The following MACROD2 variants were observed in gnomAD, a reference collection of about 807,000 sequenced individuals.
The protein encoded by MACROD2 is ADP-ribose glycohydrolase MACROD2.
MACROD2 carries 36 observed loss-of-function variants against 70.4 expected under a neutral mutation model. That is an observed-to-expected ratio of 0.51 (90% CI 0.39 to 0.68). The LOEUF is 0.68. MACROD2 is among the 30% of genes least tolerant of loss of function. The pLI, the probability that MACROD2 is intolerant of heterozygous loss-of-function variation, is 0.00. For missense variants in MACROD2, 496 were observed against 538.4 expected, an observed-to-expected ratio of 0.92 and a Z score of 0.78; for synonymous variants, 172 against 178.8, an observed-to-expected ratio of 0.96 and a Z score of 0.30.
At chr20:15,193,336 A>G (rs1458932258) in intron 5 of MACROD2, among the ~76,000 whole-genome samples, 1 of 152,126 alleles carries the variant, frequency 6.6e-6, no homozygotes, top group Non-Finnish European at 1.5e-5. Context: ...GTAGTATAGT[A>G]TCAAGACAGA....
intron 5 of MACROD2, among the ~76,000 whole-genome samples, chr20:15,159,768 G>GGGCACACACACACACA (rs2076335200): frequency 6.6e-6 from 1 of 151,264 alleles, no homozygotes; most frequent in Non-Finnish European, 1.5e-5. Context: ...ACACACACAC[G>GGGCACACACACACACA]CATGGGCACA....
intron 2 of MACROD2, among the ~76,000 whole-genome samples, chr20:14,004,747 T>A (rs1318702806): frequency 3.3e-5 from 5 of 152,166 alleles, no homozygotes; most frequent in Admixed American, 6.5e-5. Flanking sequence ...TCATTGCTTA[T>A]ACATGTATAA....
intron 3 of MACROD2, among the ~76,000 whole-genome samples, chr20:14,144,440 A>G (rs547481316): frequency 2.0e-5 from 3 of 152,148 alleles, no homozygotes; most frequent in South Asian, 2.1e-4. Context: ...CTGTTCATTT[A>G]TTGATCTCCT....
intron 15 of MACROD2, among the ~76,000 whole-genome samples, chr20:16,015,310 A>AT (rs1044045827): frequency 7.2e-5 from 11 of 151,820 alleles, no homozygotes; most frequent in African/African-American, 1.2e-4. Context: ...GAGTAGTGTA[A>AT]TTTTTTTTTC....
At chr20:15,826,536 A>G (rs1267997004) in intron 8 of MACROD2, among the ~76,000 whole-genome samples, 1 of 152,250 alleles carries the variant, frequency 6.6e-6, no homozygotes, top group East Asian at 1.9e-4. Context: ...ATGGAGAAGA[A>G]GTCTCATCTA....
At chr20:15,397,579 G>C (rs564368678) in intron 6 of MACROD2, among the ~76,000 whole-genome samples, 7 of 152,300 alleles carry the variant, frequency 4.6e-5, no homozygotes, top group African/African-American at 1.7e-4. Context: ...TTACAGGTGT[G>C]AGCCACTGTG....
intron 4 of MACROD2, chr20:14,636,324 G>A (rs1325826615): frequency 6.6e-6 from 1 of 152,064 alleles, no homozygotes; most frequent in Non-Finnish European, 1.5e-5. Context: ...AAAATGAAAT[G>A]AAGTTAAATT....
chr20:15,825,349 C>T (rs1390128678), intron 8 of MACROD2, among the ~76,000 whole-genome samples: 1 of 152,184 alleles, frequency 6.6e-6, no homozygotes, highest in Non-Finnish European at 1.5e-5. Flanking sequence ...GCTCAAGCCA[C>T]ATGGCAAAGC....
Position 14,134,698 on chromosome 20 carries a change from A to G in MACROD2, c.271+48970A>G, listed in dbSNP as rs533719694. Among the ~76,000 whole-genome samples the G allele has an allele frequency of 6.7e-5, 10 of 148,848 alleles. No homozygotes were observed. The East Asian group carries it at 1.9e-3, about 28-fold the overall frequency. On this transcript the variant is annotated intron_variant, in intron 3 of 17. Coordinates refer to ENST00000684519, the MANE Select transcript of MACROD2 (RefSeq NM_001351661.2). ...CGCGTGCGTGTAGTCCCAGTTACTC[A>G]GGAGGCGGAGGCAGGAGAATCGCTT...
chr20:14,583,511 TTCAG>T (rs1981178980), intron 4 of MACROD2, among the ~76,000 whole-genome samples: 1 of 152,168 alleles, frequency 6.6e-6, no homozygotes, highest in Admixed American at 6.5e-5. Flanking sequence ...TCCTCACAAC[TTCAG>T]TCTGCTTCCT....
chr20:15,907,543 G>C (rs546399580), intron 10 of MACROD2, among the ~76,000 whole-genome samples: 1 of 152,234 alleles, frequency 6.6e-6, no homozygotes, highest in East Asian at 1.9e-4. Context: ...ATTAGCAAAG[G>C]GTTAATATTA....
intron 4 of MACROD2, among the ~76,000 whole-genome samples, chr20:14,536,626 G>GGT (rs11471542): frequency 0.087 from 12,055 of 139,032 alleles, 527 homozygotes; most frequent in Admixed American, 0.12. Context: ...AGGTAACATT[G>GGT]GTGTGTGTGT....
intron 5 of MACROD2, among the ~76,000 whole-genome samples, chr20:15,040,558 A>AG (rs11428572): frequency 0.45 from 67,789 of 151,840 alleles, 15,966 homozygotes; most frequent in African/African-American, 0.6. Flanking sequence ...AAAGGTGAGG[A>AG]GTGTCTTCAG....
At chr20:15,067,254 T>C (rs1489308002) in intron 5 of MACROD2, among the ~76,000 whole-genome samples, 2 of 152,222 alleles carry the variant, frequency 1.3e-5, no homozygotes, top group African/African-American at 4.8e-5. Flanking sequence ...TATTGAAATA[T>C]AATGTCATGG....
intron 8 of MACROD2, among the ~76,000 whole-genome samples, chr20:15,792,891 T>C (rs2063637498): frequency 6.6e-6 from 1 of 152,140 alleles, no homozygotes; most frequent in Non-Finnish European, 1.5e-5. Context: ...ACATACAAAC[T>C]GAAAATACTA....
rs1007705194 is a variant in MACROD2, at chr20:15,663,257, A to G, written c.645+163410A>G. ...ATTTTTTTTTTTTTTTTTTTTTGAG[A>G]CAGAGTCTTGCTCTGTCACCCGCGC... On this transcript the variant is annotated intron_variant, in intron 8 of 17. Transcript: ENST00000684519. 2.8e-5 allele frequency among the ~76,000 whole-genome samples: 4 copies of G among 140,904 alleles called. No individual in the cohort carries two copies. The Admixed American group carries it at 2.9e-4, about 10-fold the overall frequency. The allele number at this position is 140,904 out of a possible 152,430, so 92.4% of individuals were successfully genotyped here.
At chr20:15,814,145 C>T (rs767860160) in intron 8 of MACROD2, among the ~76,000 whole-genome samples, 10 of 152,122 alleles carry the variant, frequency 6.6e-5, no homozygotes, top group Non-Finnish European at 1.5e-4. Context: ...AAAATAACAT[C>T]ACTGCAGGAG....
At chr20:14,095,154 A>G (rs1216003916) in intron 3 of MACROD2, among the ~76,000 whole-genome samples, 1 of 152,174 alleles carries the variant, frequency 6.6e-6, no homozygotes, top group Non-Finnish European at 1.5e-5. Context: ...CTGCTAGCAT[A>G]GCACATAATC....
intron 5 of MACROD2, among the ~76,000 whole-genome samples, chr20:14,837,865 G>T (rs2073046776): frequency 6.6e-6 from 1 of 151,628 alleles, no homozygotes; most frequent in East Asian, 1.9e-4. Flanking sequence ...ACAGGGTGGG[G>T]TTAGATTTTT....
Sources: allele counts gnomAD v4.1 joint callset (sites outside exome capture counted in the v4.1 genomes callset), GRCh38; gene constraint gnomAD v4.1.1; transcripts MANE v1.5; gene names NCBI Gene and HGNC (gene_info 2026-07-23, HGNC 2026-07-21).